ST6GAL1: variants seen among roughly 807,000 people sequenced by gnomAD.
ST6GAL1 encodes beta-galactoside alpha-2,6-sialyltransferase 1.
In ST6GAL1, 20 loss-of-function variants were observed where a neutral mutation model predicts 38.0. That is an observed-to-expected ratio of 0.53 (90% confidence interval 0.37 to 0.77). The LOEUF is 0.77. Ranked by LOEUF, ST6GAL1 falls within the 30% of genes least tolerant of loss-of-function variation. The pLI is 0.00. For missense variants in ST6GAL1, 432 were observed against 496.4 expected (o/e 0.87, Z 1.23); for synonymous variants, 196 against 188.2 (o/e 1.04, Z -0.34).
chr3:186,936,379 C>A (rs1394335756), intron 1 of ST6GAL1, among the ~76,000 whole-genome samples: 1 of 152,196 alleles, frequency 6.6e-6, no homozygotes, highest in Non-Finnish European at 1.5e-5. Context: ...ATTAGTTGCT[C>A]TGATGTAGTA....
intron 2 of ST6GAL1, among the ~76,000 whole-genome samples, chr3:186,994,225 CA>C (rs1472334348): frequency 6.6e-6 from 1 of 152,212 alleles, no homozygotes; most frequent in Non-Finnish European, 1.5e-5. Context: ...GCCTCTTGAT[CA>C]GCTGAAAGCC....
At position 187,056,762 on chromosome 3, in the gene ST6GAL1, A is replaced by G. The variant is rs150923304; in HGVS notation, c.705+5416A>G. Among the ~76,000 whole-genome samples the G allele has an allele frequency of 1.2e-3, 184 of 152,164 alleles. 1 individual carries two copies. The East Asian group carries it at 0.031, about 26-fold the overall frequency. On this transcript the variant is annotated intron_variant, in intron 5 of 7. Transcript: ENST00000169298. ...TTTTCCTTCATTTCAACCTTGGTGA[A>G]TCTGACAATTATGTGTCTTGGGGTT...
intron 2 of ST6GAL1, among the ~76,000 whole-genome samples, chr3:187,031,627 T>G (rs3954172): frequency 0.52 from 79,478 of 151,884 alleles, 24,459 homozygotes; most frequent in African/African-American, 0.86. Context: ...TAGAGACGGG[T>G]TTTCACCATG....
chr3:187,017,298 C>T (rs561901910), intron 2 of ST6GAL1, among the ~76,000 whole-genome samples: 29 of 152,304 alleles, frequency 1.9e-4, no homozygotes, highest in African/African-American at 7.0e-4. Flanking sequence ...TTACATTCTT[C>T]CAAACTATTC....
intron 1 of ST6GAL1, among the ~76,000 whole-genome samples, chr3:186,935,425 T>A (rs1231857679): frequency 6.6e-6 from 1 of 152,154 alleles, no homozygotes; most frequent in Non-Finnish European, 1.5e-5. Context: ...TGATGGGTAT[T>A]TAGATCTTTG....
chr3:186,934,174 C>T (rs906601911), intron 1 of ST6GAL1, among the ~76,000 whole-genome samples: 17 of 152,284 alleles, frequency 1.1e-4, no homozygotes, highest in South Asian at 4.1e-4. Context: ...GCTGTTCCAG[C>T]GGAGCGGAAG....
chr3:186,996,800 T>A (rs2108549793), intron 2 of ST6GAL1: 1 of 152,336 alleles, frequency 6.6e-6, no homozygotes, highest in South Asian at 2.1e-4. Flanking sequence ...GTTTTGCAAA[T>A]GTCTGCACTC....
At chr3:187,050,883 G>A (rs751331496) in intron 4 of ST6GAL1, among the ~76,000 whole-genome samples, 4 of 152,196 alleles carry the variant, frequency 2.6e-5, no homozygotes, top group Non-Finnish European at 5.9e-5. Context: ...TAATCTACTG[G>A]TGATACCAAG....
chr3:187,064,644 T>C (rs960766933), intron 5 of ST6GAL1: 4 of 456,164 alleles, frequency 8.8e-6, no homozygotes, highest in East Asian at 6.9e-5. Flanking sequence ...TCTCACCTCC[T>C]GTAAGCAACA....
chr3:186,996,950 G>A (rs2108549929), intron 2 of ST6GAL1, among the ~76,000 whole-genome samples: 1 of 151,880 alleles, frequency 6.6e-6, no homozygotes, highest in South Asian at 2.1e-4. Flanking sequence ...CTTTGAGCTT[G>A]TTCATGACCA....
Position 187,042,729 on chromosome 3 carries a change from A to T in ST6GAL1, c.26A>T (p.Lys9Met). 2 of 1,612,280 alleles carry T rather than the reference A, an allele frequency of 1.2e-6. No homozygotes were observed. The highest frequency in any genetic ancestry group is 1.7e-6 in the Non-Finnish European group (2 of 1,179,178). The change falls in exon 4 of 8, where the codon AAG becomes ATG. Residue 9 changes from lysine to methionine, a missense_variant. Transcript: ENST00000169298. MIHTNLKK[K>M]FSCCVLVFLL... ...ATGATTCACACCAACCTGAAGAAAA[A>T]GTTCAGCTGCTGCGTCCTGGTCTTT...
chr3:186,966,248 G>A (rs1456920604), intron 2 of ST6GAL1, among the ~76,000 whole-genome samples: 4 of 152,168 alleles, frequency 2.6e-5, no homozygotes, highest in African/African-American at 9.7e-5. Flanking sequence ...ATGACAAAGG[G>A]AAGGAAGGGA....
chr3:187,011,635 G>T (rs1269373996), intron 2 of ST6GAL1, among the ~76,000 whole-genome samples: 1 of 152,204 alleles, frequency 6.6e-6, no homozygotes, highest in Non-Finnish European at 1.5e-5. Flanking sequence ...CACAGGGAAG[G>T]CCCCTTGCAG....
intron 5 of ST6GAL1, among the ~76,000 whole-genome samples, chr3:187,053,348 G>C (rs1248039602): frequency 6.6e-6 from 1 of 152,100 alleles, no homozygotes; most frequent in Non-Finnish European, 1.5e-5. Context: ...ATTGCTTTTG[G>C]TGTTTTAGTC....
intron 2 of ST6GAL1, among the ~76,000 whole-genome samples, chr3:187,031,561 G>A (rs765195187): frequency 3.3e-5 from 5 of 151,600 alleles, no homozygotes; most frequent in African/African-American, 4.8e-5. Flanking sequence ...TCAGCCTCCC[G>A]AGTAACTAAG....
intron 1 of ST6GAL1, among the ~76,000 whole-genome samples, chr3:186,946,665 T>C (rs1250049775): frequency 6.6e-6 from 1 of 152,214 alleles, no homozygotes; most frequent in African/African-American, 2.4e-5. Flanking sequence ...ATTCATTTAT[T>C]TTTTCCTGGA....
At chr3:187,071,474 G>A (rs1290528922) in intron 5 of ST6GAL1, among the ~76,000 whole-genome samples, 1 of 152,118 alleles carries the variant, frequency 6.6e-6, no homozygotes, top group African/African-American at 2.4e-5. Flanking sequence ...GGCCGGCCGG[G>A]CGCGGTGGCT....
At chr3:186,984,500 C>T (rs889891600) in intron 2 of ST6GAL1, among the ~76,000 whole-genome samples, 2 of 152,142 alleles carry the variant, frequency 1.3e-5, no homozygotes, top group African/African-American at 2.4e-5. Flanking sequence ...CATGTACCCT[C>T]TTCCTTGATC....
chr3:187,022,561 G>C (rs1000960694), intron 2 of ST6GAL1, among the ~76,000 whole-genome samples: 11 of 152,120 alleles, frequency 7.2e-5, no homozygotes, highest in African/African-American at 2.4e-4. Context: ...TGGGTGAATA[G>C]ATAGTGATTG....
Sources: allele counts gnomAD v4.1 joint callset (sites outside exome capture counted in the v4.1 genomes callset), GRCh38; gene constraint gnomAD v4.1.1; transcripts MANE v1.5; gene names NCBI Gene and HGNC (gene_info 2026-07-23, HGNC 2026-07-21).